Variants in SV2C observed in about 807,000 individuals in gnomAD.
The protein encoded by SV2C is solute carrier family 22 member B3.
SV2C carries 49 observed loss-of-function variants against 79.7 expected under a neutral mutation model. The observed-to-expected ratio is 0.61, with a 90% CI of 0.49 to 0.78. SV2C has a LOEUF of 0.78. Ranked by LOEUF, SV2C falls within the 30% of genes least tolerant of loss-of-function variation. The pLI is 0.00. For synonymous variants in SV2C, 334 were observed against 333.2 expected, an observed-to-expected ratio of 1.00 and a Z score of -0.03; for missense variants, 833 against 912.9, an observed-to-expected ratio of 0.91 and a Z score of 1.13.
chr5:76,335,897 T>C (rs371804538), downstream of SV2C, among the ~76,000 whole-genome samples: 4,146 of 151,744 alleles, frequency 0.027, 77 homozygotes, highest in South Asian at 0.072. Flanking sequence ...TCCACAAAAC[T>C]GCCATTGTCA....
intron 12 of SV2C, among the ~76,000 whole-genome samples, chr5:76,320,171 T>A (rs1018331915): frequency 6.6e-6 from 1 of 150,710 alleles, no homozygotes; most frequent in African/African-American, 2.4e-5. Flanking sequence ...TTTTTTTTTT[T>A]AAGTGAAAGA....
intron 1 of SV2C, among the ~76,000 whole-genome samples, chr5:76,118,983 AAAAAG>A (rs1249773656): frequency 6.6e-6 from 1 of 152,198 alleles, no homozygotes; most frequent in Non-Finnish European, 1.5e-5. Flanking sequence ...ACCCTGTCTT[AAAAAG>A]AAAAGAAAAG....
At chr5:76,017,619 TA>T in the SV2C span, among the ~76,000 whole-genome samples, 2 of 152,148 alleles carry the variant, frequency 1.3e-5, no homozygotes, top group Non-Finnish European at 2.9e-5. Context: ...ATTTCCTCAT[TA>T]ATCTCCATAG....
intron 12 of SV2C, among the ~76,000 whole-genome samples, chr5:76,339,297 G>T (rs1219594005): frequency 2.6e-5 from 4 of 151,966 alleles, no homozygotes; most frequent in Non-Finnish European, 4.4e-5. Context: ...TATTTTTTCA[G>T]TGCATATTCT....
intron 9 of SV2C, among the ~76,000 whole-genome samples, 185 bp from the exon 10 acceptor site, chr5:76,298,609 C>G (rs1055056965): frequency 6.6e-6 from 1 of 152,112 alleles, no homozygotes; most frequent in African/African-American, 2.4e-5. Context: ...AATAAGATAG[C>G]CAAAGGTCAG....
At chr5:76,288,721 T>C (rs970077141) in intron 6 of SV2C, among the ~76,000 whole-genome samples, 1 of 152,222 alleles carries the variant, frequency 6.6e-6, no homozygotes, top group African/African-American at 2.4e-5. Context: ...GAGAATAAGA[T>C]GGATATACTC....
the SV2C span, among the ~76,000 whole-genome samples, chr5:75,962,490 C>G: frequency 6.6e-6 from 1 of 152,284 alleles, no homozygotes; most frequent in South Asian, 2.1e-4. Context: ...TCAAGCACAA[C>G]CAGATTCAGA....
chr5:76,007,193 G>T, the SV2C span, among the ~76,000 whole-genome samples: 1 of 151,868 alleles, frequency 6.6e-6, no homozygotes, highest in East Asian at 2.0e-4. Flanking sequence ...ACATCTCATG[G>T]TTCTTCTTGG....
At chr5:75,881,594 T>C in the SV2C span, among the ~76,000 whole-genome samples, 2 of 152,204 alleles carry the variant, frequency 1.3e-5, no homozygotes, top group African/African-American at 2.4e-5. Flanking sequence ...TTTGGCTCTC[T>C]GTTTGTCTGT....
At chr5:76,151,462 G>A (rs1318247844) in intron 2 of SV2C, among the ~76,000 whole-genome samples, 1 of 152,142 alleles carries the variant, frequency 6.6e-6, no homozygotes, top group African/African-American at 2.4e-5. Flanking sequence ...GGAATGGATT[G>A]GACAGGCACA....
At chr5:76,162,465 T>G (rs1383368964) in intron 2 of SV2C, among the ~76,000 whole-genome samples, 2 of 152,154 alleles carry the variant, frequency 1.3e-5, no homozygotes, top group African/African-American at 4.8e-5. Context: ...GGGCTGAGAA[T>G]CGGGAGCCCA....
chr5:76,173,724 C>G, intron 2 of SV2C: 1 of 1,613,494 alleles, frequency 6.2e-7, no homozygotes, highest in Non-Finnish European at 8.5e-7. Context: ...ATCTCATTAA[C>G]ATTTATTTTT....
At chr5:76,170,849 T>C (rs970288103) in intron 2 of SV2C, 2 of 233,260 alleles carry the variant, frequency 8.6e-6, no homozygotes, top group Non-Finnish European at 1.6e-5. Flanking sequence ...GGGTGGTGGT[T>C]GGCGCGGCTG....
chr5:76,021,624 C>T, the SV2C span, among the ~76,000 whole-genome samples: 1 of 152,172 alleles, frequency 6.6e-6, no homozygotes, highest in Admixed American at 6.5e-5. Flanking sequence ...ACAAGTGATA[C>T]AGGAGAGGTC....
intron 2 of SV2C, among the ~76,000 whole-genome samples, chr5:76,136,246 T>C (rs964207326): frequency 9.2e-5 from 14 of 152,244 alleles, no homozygotes; most frequent in Admixed American, 3.3e-4. Context: ...CTACCCCTAA[T>C]TCCCGTATGC....
intron 2 of SV2C, among the ~76,000 whole-genome samples, chr5:76,186,873 G>T (rs542731291): frequency 6.6e-6 from 1 of 152,104 alleles, no homozygotes; most frequent in Non-Finnish European, 1.5e-5. Context: ...ACTATCATGA[G>T]AACAGAATGA....
the SV2C span, among the ~76,000 whole-genome samples, chr5:75,950,269 G>A: frequency 4.9e-4 from 74 of 152,092 alleles, no homozygotes; most frequent in African/African-American, 1.6e-3. Context: ...TGAATGAAAC[G>A]AAACCAGAAG....
intron 3 of SV2C, among the ~76,000 whole-genome samples, chr5:76,202,248 G>T (rs1225006051): frequency 1.3e-5 from 2 of 152,096 alleles, no homozygotes; most frequent in African/African-American, 4.8e-5. Context: ...TATAGTGCTT[G>T]CCGCGTGAGA....
the SV2C span, among the ~76,000 whole-genome samples, chr5:75,936,628 T>C: frequency 6.6e-6 from 1 of 152,218 alleles, no homozygotes; most frequent in Non-Finnish European, 1.5e-5. Context: ...TGAGTTTATA[T>C]GGCTAAAGAC....
Sources: gnomAD v4.1 joint callset for allele counts (sites outside exome capture counted in the v4.1 genomes callset) on GRCh38, gnomAD v4.1.1 for gene constraint, MANE v1.5 for transcripts, NCBI Gene and HGNC (gene_info 2026-07-23, HGNC 2026-07-21) for gene names.